Variants in PPARGC1A observed in about 807,000 individuals in gnomAD.
PPARGC1A encodes PPARG coactivator 1 alpha.
Under a neutral mutation model 88.7 loss-of-function variants are expected in PPARGC1A, and 25 were observed. The observed-to-expected ratio is 0.28, with a 90% CI of 0.21 to 0.39. The LOEUF (loss-of-function observed/expected upper bound fraction) is 0.39. PPARGC1A is among the 10% of genes least tolerant of loss of function. PPARGC1A has a pLI of 1.00. For synonymous variants in PPARGC1A, 363 were observed against 355.6 expected, an observed-to-expected ratio of 1.02 and a Z score of -0.24; for missense variants, 880 against 968.7, an observed-to-expected ratio of 0.91 and a Z score of 1.22.
At chr4:24,419,081 A>G in the PPARGC1A span, among the ~76,000 whole-genome samples, 1 of 152,132 alleles carries the variant, frequency 6.6e-6, no homozygotes, top group African/African-American at 2.4e-5. Context: ...TTGGATAATG[A>G]TTGTTTCCTT....
chr4:24,210,358 T>C, the PPARGC1A span, among the ~76,000 whole-genome samples: 2 of 152,262 alleles, frequency 1.3e-5, no homozygotes, highest in Non-Finnish European at 2.9e-5. Flanking sequence ...TTGCCCAATT[T>C]GGAAACTCAA....
the PPARGC1A span, among the ~76,000 whole-genome samples, chr4:24,432,159 A>C: frequency 6.6e-6 from 1 of 152,164 alleles, no homozygotes. Flanking sequence ...AAGTGAAGTT[A>C]AAAGAGGGGG....
At chr4:23,806,622 G>A (rs1307827167) in intron 10 of PPARGC1A, among the ~76,000 whole-genome samples, 3 of 152,132 alleles carry the variant, frequency 2.0e-5, no homozygotes, top group Non-Finnish European at 4.4e-5. Context: ...AAGCTAGTAC[G>A]CTGATGGGGT....
chr4:24,347,357 G>A, the PPARGC1A span, among the ~76,000 whole-genome samples: 1 of 152,188 alleles, frequency 6.6e-6, no homozygotes. Flanking sequence ...AGTGCTGTCA[G>A]TGGAGTATTG....
chr4:24,286,751 C>T, the PPARGC1A span, among the ~76,000 whole-genome samples: 12 of 152,178 alleles, frequency 7.9e-5, no homozygotes, highest in African/African-American at 2.4e-4. Flanking sequence ...AAATAGCAAA[C>T]ATTATCTCAC....
chr4:24,310,944 GAA>G, the PPARGC1A span, among the ~76,000 whole-genome samples: 6 of 152,064 alleles, frequency 3.9e-5, no homozygotes, highest in Non-Finnish European at 8.8e-5. Context: ...TGAGGTAAAA[GAA>G]TGCATGCTTG....
the PPARGC1A span, among the ~76,000 whole-genome samples, chr4:24,040,051 C>G: frequency 6.6e-6 from 1 of 152,216 alleles, no homozygotes; most frequent in Non-Finnish European, 1.5e-5. Flanking sequence ...TATACATATA[C>G]AGTATGCTTC....
the PPARGC1A span, among the ~76,000 whole-genome samples, chr4:24,211,899 T>C: frequency 6.6e-6 from 1 of 152,216 alleles, no homozygotes; most frequent in African/African-American, 2.4e-5. Context: ...TGCTATTTCC[T>C]ACTGTTTCAT....
the PPARGC1A span, among the ~76,000 whole-genome samples, chr4:24,149,659 A>G: frequency 3.5e-4 from 54 of 152,308 alleles, no homozygotes; most frequent in African/African-American, 1.2e-3. Flanking sequence ...GGTCCAATAG[A>G]TGCAGATGTT....
chr4:24,223,855 TTTCC>T, the PPARGC1A span, among the ~76,000 whole-genome samples: 2 of 152,224 alleles, frequency 1.3e-5, no homozygotes, highest in African/African-American at 4.8e-5. Flanking sequence ...AATAAAATGT[TTTCC>T]TTCCTTCACT....
intron 2 of PPARGC1A, among the ~76,000 whole-genome samples, chr4:23,846,310 A>G: frequency 6.6e-6 from 1 of 152,196 alleles, no homozygotes; most frequent in East Asian, 1.9e-4. Context: ...GAAGCCTGAC[A>G]TCCAAAGGGT....
the PPARGC1A span, among the ~76,000 whole-genome samples, chr4:24,077,546 T>G: frequency 7.2e-6 from 1 of 138,610 alleles, no homozygotes; most frequent in African/African-American, 2.9e-5. Context: ...ATAGGAACTG[T>G]TTTTTTTTTC....
chr4:24,217,804 A>G, the PPARGC1A span, among the ~76,000 whole-genome samples: 2 of 152,058 alleles, frequency 1.3e-5, no homozygotes, highest in African/African-American at 4.8e-5. Context: ...CTCCATCATG[A>G]AAAAATAATA....
chr4:24,247,204 C>A, the PPARGC1A span, among the ~76,000 whole-genome samples: 1 of 152,000 alleles, frequency 6.6e-6, no homozygotes, highest in Non-Finnish European at 1.5e-5. Context: ...CCACCACCCC[C>A]CAAAAAGAAA....
the PPARGC1A span, among the ~76,000 whole-genome samples, chr4:24,400,274 C>T: frequency 1.3e-5 from 2 of 152,260 alleles, no homozygotes; most frequent in South Asian, 4.1e-4. Context: ...GGAAGGCAGA[C>T]CCACCCTTAA....
In PPARGC1A at chr4:23,852,551, T is replaced by C. The variant is rs775231320; in HGVS notation, c.235-20800A>G. ...GAGCACTGGAGTCACTCTCCTCTGA[T>C]TGTCGTTTTAAAAATCCACCCTCCC... On this transcript the variant is annotated intron_variant, in intron 2 of 12. Transcript: ENST00000264867. Among the ~76,000 whole-genome samples, 10 of 152,132 alleles carry C rather than the reference T, an allele frequency of 6.6e-5. 1 individual carries two copies. The highest frequency in any genetic ancestry group is 1.9e-4 in the East Asian group (1 of 5,172).
chr4:24,065,029 C>T, the PPARGC1A span, among the ~76,000 whole-genome samples: 2,293 of 152,252 alleles, frequency 0.015, 61 homozygotes, highest in African/African-American at 0.051. Context: ...CACCTTGCAA[C>T]GAGTTTAGGA....
At chr4:24,169,617 C>G in the PPARGC1A span, among the ~76,000 whole-genome samples, 18 of 152,058 alleles carry the variant, frequency 1.2e-4, no homozygotes. Flanking sequence ...CATCTATAAT[C>G]CCAGCACTTT....
At chr4:23,966,144 T>C in the PPARGC1A span, among the ~76,000 whole-genome samples, 58,543 of 152,046 alleles carry the variant, frequency 0.39, 11,403 homozygotes, top group Middle Eastern at 0.46. Context: ...CAAAGGAAAG[T>C]GGGCACACAC....
Sources: allele counts gnomAD v4.1 joint callset (sites outside exome capture counted in the v4.1 genomes callset), GRCh38; gene constraint gnomAD v4.1.1; transcripts MANE v1.5; gene names NCBI Gene and HGNC (gene_info 2026-07-23, HGNC 2026-07-21).